The following ATP6V0A4 variants were observed in gnomAD, a reference collection of about 807,000 sequenced individuals.
The protein encoded by ATP6V0A4 is V-type proton ATPase 116 kDa subunit a 4.
A neutral mutation model predicts 107.3 loss-of-function variants in ATP6V0A4; 86 were observed. The ratio of observed to expected loss-of-function variants is 0.80; its 90% CI spans 0.67 to 0.96. ATP6V0A4 has a LOEUF of 0.96. Among genes scored for constraint, ATP6V0A4 ranks in the 40% least tolerant of loss-of-function variants. ATP6V0A4 has a pLI of 0.00. For missense variants in ATP6V0A4, 908 were observed against 1,045.6 expected, an observed-to-expected ratio of 0.87 and a Z score of 1.81; for synonymous variants, 353 against 381.4, an observed-to-expected ratio of 0.93 and a Z score of 0.87.
chr7:138,778,364 CAA>C (rs937688247), intron 2 of ATP6V0A4, among the ~76,000 whole-genome samples: 7 of 144,498 alleles, frequency 4.8e-5, no homozygotes, highest in African/African-American at 1.5e-4. Flanking sequence ...GTCTCAAAAA[CAA>C]AAAAAAAATC....
intron 8 of ATP6V0A4, 114 bp from the exon 9 acceptor site, chr7:138,756,654 C>T (rs1806531199): frequency 5.8e-6 from 8 of 1,368,106 alleles, no homozygotes; most frequent in Non-Finnish European, 7.9e-6. Flanking sequence ...ACATTTAAAA[C>T]TGGGAAACTG....
chr7:138,707,503 G>A (rs2117172268), intron 21 of ATP6V0A4, among the ~76,000 whole-genome samples: 1 of 146,650 alleles, frequency 6.8e-6, no homozygotes, highest in East Asian at 2.0e-4. Flanking sequence ...CCAGGCTCAA[G>A]CAATTCTCCT....
chr7:138,722,687 G>A (rs1410928666), intron 18 of ATP6V0A4, among the ~76,000 whole-genome samples: 1 of 142,278 alleles, frequency 7.0e-6, no homozygotes, highest in East Asian at 2.1e-4. Flanking sequence ...GGAGGCTGCG[G>A]TGAGCCAAGA....
intron 1 of ATP6V0A4, among the ~76,000 whole-genome samples, chr7:138,791,018 T>A (rs1383015582): frequency 2.6e-5 from 4 of 151,806 alleles, no homozygotes; most frequent in Non-Finnish European, 4.4e-5. Flanking sequence ...GCAGAAATAA[T>A]AGACAATGGA....
intron 5 of ATP6V0A4, among the ~76,000 whole-genome samples, chr7:138,766,360 C>A (rs952683126): frequency 1.3e-5 from 2 of 151,918 alleles, no homozygotes. Context: ...GCGCCACCCA[C>A]GCCTGGCTAA....
intron 1 of ATP6V0A4, among the ~76,000 whole-genome samples, chr7:138,787,792 G>A (rs996639971): frequency 7.2e-5 from 11 of 152,150 alleles, no homozygotes; most frequent in African/African-American, 2.4e-4. Context: ...GAGCCCAGGA[G>A]TTTGAGACTA....
At chr7:138,772,330 T>C (rs1281284226) in intron 2 of ATP6V0A4, among the ~76,000 whole-genome samples, 1 of 152,192 alleles carries the variant, frequency 6.6e-6, no homozygotes, top group Non-Finnish European at 1.5e-5. Flanking sequence ...AGTAAATGGC[T>C]GTAACCTAGA....
intron 19 of ATP6V0A4, among the ~76,000 whole-genome samples, chr7:138,716,189 TG>T (rs1214595962): frequency 6.6e-6 from 1 of 152,166 alleles, no homozygotes; most frequent in Non-Finnish European, 1.5e-5. Flanking sequence ...GACAAGAAAT[TG>T]TTCCTGAGGA....
chr7:138,797,154 C>G (rs987300012), intron 1 of ATP6V0A4, among the ~76,000 whole-genome samples: 1 of 151,760 alleles, frequency 6.6e-6, no homozygotes, highest in African/African-American at 2.4e-5. Context: ...ATCTTCCCCT[C>G]TCCCCCTGTC....
At chr7:138,769,307 T>C in intron 3 of ATP6V0A4, 56 bp from the exon 4 acceptor site, 7 of 1,551,514 alleles carry the variant, frequency 4.5e-6, no homozygotes, top group Non-Finnish European at 6.0e-6. Flanking sequence ...CCAATAGATT[T>C]CTTTCTTTTT....
intron 1 of ATP6V0A4, among the ~76,000 whole-genome samples, chr7:138,796,362 C>G (rs572784021): frequency 1.3e-4 from 20 of 152,286 alleles, no homozygotes; most frequent in Non-Finnish European, 5.9e-5. Context: ...TAGGCCACCA[C>G]TATTTTATAT....
chr7:138,758,316 G>A (rs1040078338), intron 8 of ATP6V0A4, among the ~76,000 whole-genome samples: 2 of 152,208 alleles, frequency 1.3e-5, no homozygotes, highest in Non-Finnish European at 1.5e-5. Flanking sequence ...CGGCTATAGA[G>A]AGAAATAGTA....
intron 10 of ATP6V0A4, among the ~76,000 whole-genome samples, chr7:138,753,882 TCAGA>T (rs1204797632): frequency 6.6e-6 from 1 of 152,178 alleles, no homozygotes; most frequent in African/African-American, 2.4e-5. Flanking sequence ...TGCCTCAGCA[TCAGA>T]CAGTGTCTAA....
At chr7:138,771,434 C>G (rs979782232) in intron 2 of ATP6V0A4, 170 bp from the exon 3 acceptor site, 1 of 187,634 alleles carries the variant, frequency 5.3e-6, no homozygotes, top group Non-Finnish European at 5.8e-6. Context: ...CAGGGTCTCA[C>G]TCTGTTGCCT....
chr7:138,751,969 C>T (rs1340121036), intron 11 of ATP6V0A4, among the ~76,000 whole-genome samples: 1 of 152,106 alleles, frequency 6.6e-6, no homozygotes, highest in South Asian at 2.1e-4. Context: ...TGCCTGTGAA[C>T]AGCCCTGCAC....
chr7:138,725,421 A>G (rs917688529), intron 18 of ATP6V0A4, among the ~76,000 whole-genome samples: 5 of 152,240 alleles, frequency 3.3e-5, no homozygotes, highest in African/African-American at 1.2e-4. Flanking sequence ...TCATTTAAAT[A>G]CAGTTCAAGA....
chr7:138,755,601 G>T (rs1040170776), intron 10 of ATP6V0A4, 88 bp downstream of exon 10: 1 of 1,556,278 alleles, frequency 6.4e-7, no homozygotes. Flanking sequence ...TCCCAGCAAG[G>T]GCCCTGGGGG....
Position 138,771,179 on chromosome 7 carries a change from A to T in ATP6V0A4, c.69T>A (p.Tyr23Ter), listed in dbSNP as rs1335174688. ...SQLFLQVEAAYCCVAELGELG... is the reference protein window; with the variant it reads ...SQLFLQVEAA ...GCTCTCCGAGCTCAGCCACACAGCA[A>T]TATGCAGCTTCCACCTGGAGAAACA... Residue 23 changes from tyrosine (Y) to a stop codon, truncating the protein, a stop_gained, in exon 3 of 22, where the codon TAT becomes TAA. Transcript: ENST00000310018. LOFTEE classifies it high-confidence loss of function. 6.2e-7 allele frequency: 1 copy of T among 1,614,124 alleles called. No homozygotes were observed. The highest frequency in any genetic ancestry group is 1.3e-5 in the African/African-American group (1 of 74,936).
In ATP6V0A4 at chr7:138,739,571, A is replaced by G; in HGVS notation, c.1541T>C (p.Phe514Ser). The stretch of plus-strand genomic sequence containing the variant: ...AATCCCAAACGGGTATGGATTTCCA[A>G]AATACACTCCTGGTATGGCTGGGTC... ...QLDPAIPGVY[F>S]GNPYPFGIDP... The change falls in exon 15 of 22, where the codon TTT becomes TCT. Residue 514 changes from phenylalanine (F) to serine (S), a missense_variant. Physicochemically the swap from Phe to Ser is radical, Grantham distance 155. Transcript: ENST00000310018. 1 of 1,614,212 alleles carries G rather than the reference A, an allele frequency of 6.2e-7. No homozygotes were observed.
Sources: gnomAD v4.1 joint callset for allele counts (sites outside exome capture counted in the v4.1 genomes callset) on GRCh38, gnomAD v4.1.1 for gene constraint, MANE v1.5 for transcripts, NCBI Gene and HGNC (gene_info 2026-07-23, HGNC 2026-07-21) for gene names.